The following SHISA9 variants were observed in gnomAD, a reference collection of about 807,000 sequenced individuals.
SHISA9 encodes the protein shisa family member 9.
Under a neutral mutation model 38.0 loss-of-function variants are expected in SHISA9, and 13 were observed. The observed-to-expected ratio is 0.34, with a 90% CI of 0.22 to 0.54. SHISA9 has a LOEUF of 0.54. Ranked by LOEUF, SHISA9 falls within the 20% of genes least tolerant of loss-of-function variation. The pLI is 0.91. For missense variants in SHISA9, 538 were observed against 575.8 expected (o/e 0.93, Z 0.67); for synonymous variants, 275 against 242.0 (o/e 1.14, Z -1.27).
At chr16:13,028,493 C>G (rs2072952324) in intron 2 of SHISA9, among the ~76,000 whole-genome samples, 1 of 151,968 alleles carries the variant, frequency 6.6e-6, no homozygotes, top group South Asian at 2.1e-4. Context: ...AGAAGGAGAG[C>G]CAAGTGAAAG....
chr16:13,438,652 G>T, the SHISA9 span, among the ~76,000 whole-genome samples: 2 of 152,194 alleles, frequency 1.3e-5, no homozygotes, highest in Admixed American at 6.5e-5. Flanking sequence ...TGCAAATAGG[G>T]GGAAAATAAT....
At chr16:13,214,640 A>C (rs1357089091) in intron 4 of SHISA9, among the ~76,000 whole-genome samples, 1 of 152,202 alleles carries the variant, frequency 6.6e-6, no homozygotes, top group East Asian at 1.9e-4. Flanking sequence ...TTACAAAAGC[A>C]CAAGGTTTAT....
chr16:13,440,900 G>A, the SHISA9 span, among the ~76,000 whole-genome samples: 1 of 150,670 alleles, frequency 6.6e-6, no homozygotes, highest in South Asian at 2.1e-4. Flanking sequence ...CCAGCCTGGT[G>A]ACAGAGCAAG....
intron 3 of SHISA9, 91 bp from the exon 4 acceptor site, chr16:13,213,162 G>C: frequency 1.7e-6 from 2 of 1,143,444 alleles, no homozygotes; most frequent in Non-Finnish European, 2.6e-6. Context: ...GCTGCAGCAG[G>C]GGCAGCCAAC....
intron 2 of SHISA9, among the ~76,000 whole-genome samples, chr16:13,021,513 A>C (rs2072853594): frequency 6.6e-6 from 1 of 152,112 alleles, no homozygotes; most frequent in African/African-American, 2.4e-5. Flanking sequence ...TAGTTATCAC[A>C]CCCACTAGTA....
the SHISA9 span, among the ~76,000 whole-genome samples, chr16:13,391,217 G>C: frequency 6.6e-6 from 1 of 152,138 alleles, no homozygotes; most frequent in African/African-American, 2.4e-5. Context: ...AGATGCTATA[G>C]CCCACATTAT....
chr16:13,385,212 A>G, the SHISA9 span, among the ~76,000 whole-genome samples: 5 of 152,364 alleles, frequency 3.3e-5, no homozygotes, highest in African/African-American at 1.2e-4. Flanking sequence ...GGAATGTAAA[A>G]TGGTACAGCC....
chr16:13,006,064 ACG>A (rs1277670882), intron 2 of SHISA9, among the ~76,000 whole-genome samples: 4 of 152,192 alleles, frequency 2.6e-5, no homozygotes, highest in East Asian at 1.9e-4. Context: ...GCATGCGCGC[ACG>A]CACACACACA....
rs185645368 is a variant in SHISA9 at position 12,925,817 on chromosome 16, A to T, written c.691+9002A>T. 7.8e-4 allele frequency among the ~76,000 whole-genome samples: 119 copies of T among 152,332 alleles called. 2 individuals carry two copies. In the East Asian group the frequency reaches 0.019, roughly 25 times the overall value. On this transcript the variant is annotated intron_variant, in intron 2 of 4. Transcript: ENST00000558583. ...ACTATAGCATTGATACTTAGTGTGG[A>T]TTGAAAGGAGTAATAAATAAAACAA...
intron 2 of SHISA9, among the ~76,000 whole-genome samples, chr16:13,151,142 T>C (rs2050495577): frequency 6.6e-6 from 1 of 152,204 alleles, no homozygotes; most frequent in Non-Finnish European, 1.5e-5. Flanking sequence ...AGTCTTGCTC[T>C]GTCACCCAGG....
chr16:12,975,650 C>CGGG (rs796430576), intron 2 of SHISA9, among the ~76,000 whole-genome samples: 28 of 8,150 alleles, frequency 3.4e-3, no homozygotes, highest in African/African-American at 7.9e-3. Flanking sequence ...TGGGGTGGGA[C>CGGG]GGGGGCGGGG....
chr16:13,473,050 A>C, the SHISA9 span, among the ~76,000 whole-genome samples: 1 of 152,174 alleles, frequency 6.6e-6, no homozygotes, highest in African/African-American at 2.4e-5. Context: ...TTTTGATTAG[A>C]TGCCAGTCAT....
intron 2 of SHISA9, among the ~76,000 whole-genome samples, chr16:13,015,829 C>G (rs1234932804): frequency 1.5e-5 from 2 of 131,518 alleles, no homozygotes; most frequent in South Asian, 2.4e-4. Flanking sequence ...TTGTTTCTCT[C>G]TCTCTCTTTT....
In SHISA9 at chr16:12,902,091, C is replaced by G. The variant is rs1228730885; in HGVS notation, c.27C>G (p.Leu9=). 1 of 1,494,200 alleles carries G rather than the reference C, an allele frequency of 6.7e-7. No individual in the cohort carries two copies. The highest frequency in any genetic ancestry group is 1.3e-5 in the South Asian group (1 of 79,864). 92.6% of individuals were successfully genotyped at this position (1,494,200 alleles called of 1,614,324 possible). A position where few individuals can be genotyped will look rare whatever the true frequency, so the allele number is the denominator to read the frequency against. ...TGCGCCGCGTCCTTCGGCTGCTCCT[C>G]GGTTGCTTCCTCACCGAGCTGTGCG... MRRVLRLL[L]GCFLTELCAR... is the part of the protein sequence containing the mutation. The change falls in exon 1 of 5, where the codon CTC becomes CTG. Residue 9 remains leucine, a synonymous_variant. Coordinates refer to ENST00000558583, the MANE Select transcript of SHISA9 (RefSeq NM_001145204.3).
At chr16:13,301,467 C>G in the SHISA9 span, among the ~76,000 whole-genome samples, 1 of 152,160 alleles carries the variant, frequency 6.6e-6, no homozygotes, top group Non-Finnish European at 1.5e-5. Context: ...TGTACTGTCA[C>G]CCAAAGTGTA....
At chr16:13,145,114 G>A (rs1315238281) in intron 2 of SHISA9, among the ~76,000 whole-genome samples, 1 of 152,146 alleles carries the variant, frequency 6.6e-6, no homozygotes. Context: ...AGACCCTATC[G>A]CAGGGATGAG....
At chr16:13,498,050 TACAA>T in the SHISA9 span, among the ~76,000 whole-genome samples, 1 of 151,954 alleles carries the variant, frequency 6.6e-6, no homozygotes, top group Non-Finnish European at 1.5e-5. Flanking sequence ...CTATTTAAAT[TACAA>T]ACAAAATAAA....
chr16:12,984,468 T>A (rs1369444735), intron 2 of SHISA9, among the ~76,000 whole-genome samples: 1 of 152,208 alleles, frequency 6.6e-6, no homozygotes, highest in Admixed American at 6.5e-5. Flanking sequence ...AGGGGCAAGT[T>A]ACTCCATGAC....
At chr16:12,907,885 A>G (rs542569836) in intron 1 of SHISA9, among the ~76,000 whole-genome samples, 3 of 152,180 alleles carry the variant, frequency 2.0e-5, no homozygotes, top group Non-Finnish European at 4.4e-5. Flanking sequence ...TCTTGGGTTC[A>G]TCTCAGTCAC....
Sources: gnomAD v4.1 joint callset for allele counts (sites outside exome capture counted in the v4.1 genomes callset) on GRCh38, gnomAD v4.1.1 for gene constraint, MANE v1.5 for transcripts, NCBI Gene and HGNC (gene_info 2026-07-23, HGNC 2026-07-21) for gene names.